OPCML: variants seen among roughly 807,000 people sequenced by gnomAD.
The protein encoded by OPCML is opioid-binding protein/cell adhesion molecule.
Under a neutral mutation model 37.8 loss-of-function variants are expected in OPCML, and 13 were observed. The observed-to-expected ratio is 0.34, with a 90% CI of 0.22 to 0.55. The LOEUF is 0.55. Among genes scored for constraint, OPCML ranks in the 20% least tolerant of loss-of-function variants. The pLI, the probability that OPCML is intolerant of heterozygous loss-of-function variation, is 0.91. For synonymous variants in OPCML, 176 were observed against 168.8 expected (o/e 1.04, Z -0.33); for missense variants, 341 against 435.6 (o/e 0.78, Z 1.93).
chr11:132,579,672 G>T (rs73041722), intron 3 of OPCML, among the ~76,000 whole-genome samples: 3,645 of 152,126 alleles, frequency 0.024, 111 homozygotes, highest in East Asian at 0.055. Context: ...AAGAGCTTTT[G>T]CTCAGTACAG....
chr11:132,974,982 T>A (rs959791451), intron 1 of OPCML, among the ~76,000 whole-genome samples: 14 of 151,818 alleles, frequency 9.2e-5, no homozygotes, highest in African/African-American at 3.4e-4. Context: ...AGCTAATAAT[T>A]CACTAATCAG....
intron 1 of OPCML, among the ~76,000 whole-genome samples, chr11:132,995,862 AG>A (rs1946875243): frequency 6.6e-6 from 1 of 152,236 alleles, no homozygotes; most frequent in Non-Finnish European, 1.5e-5. Flanking sequence ...CAAGGGTGAA[AG>A]AAGCAGCTAA....
chr11:133,388,555 G>C (rs1470097876), intron 1 of OPCML, among the ~76,000 whole-genome samples: 1 of 152,182 alleles, frequency 6.6e-6, no homozygotes, highest in African/African-American at 2.4e-5. Flanking sequence ...TAACACTTCA[G>C]CTTAATCTCA....
chr11:133,119,835 G>A lies in OPCML; in HGVS notation c.62-176825C>T, dbSNP rs182332058. ...CATGTTCACGTCGCACAGGATGCACGTGGGAGTGAAGTGGGCGGTGGAGCA... is the reference window on the plus strand; with the variant it reads ...CATGTTCACGTCGCACAGGATGCACATGGGAGTGAAGTGGGCGGTGGAGCA... On this transcript the variant is annotated intron_variant, in intron 1 of 7. Transcript: ENST00000524381. 1.2e-4 allele frequency among the ~76,000 whole-genome samples: 19 copies of A among 152,314 alleles called. No homozygotes were observed. In the East Asian group the frequency reaches 2.5e-3, roughly 20 times the overall value.
intron 1 of OPCML, chr11:133,421,386 C>T (rs1342104536): frequency 1.0e-6 from 1 of 985,200 alleles, no homozygotes. Context: ...CACTCGGAGA[C>T]CAGAAGAAGA....
chr11:133,116,777 AT>A (rs1442746559), intron 1 of OPCML, among the ~76,000 whole-genome samples: 5 of 141,488 alleles, frequency 3.5e-5, no homozygotes, highest in Non-Finnish European at 7.7e-5. Flanking sequence ...CTTATAAGTA[AT>A]TTGTGGGAAG....
chr11:132,455,219 C>A (rs761780308), intron 4 of OPCML, among the ~76,000 whole-genome samples: 3 of 152,210 alleles, frequency 2.0e-5, no homozygotes, highest in Non-Finnish European at 4.4e-5. Context: ...CCTTCCTTTA[C>A]TTTGCAAATG....
intron 3 of OPCML, among the ~76,000 whole-genome samples, chr11:132,630,590 T>C (rs1401398935): frequency 6.6e-6 from 1 of 152,126 alleles, no homozygotes; most frequent in African/African-American, 2.4e-5. Context: ...TACCACTACA[T>C]ACTAGAATAA....
chr11:132,656,070 A>G (rs1269050511), intron 3 of OPCML, among the ~76,000 whole-genome samples: 1 of 152,088 alleles, frequency 6.6e-6, no homozygotes, highest in Non-Finnish European at 1.5e-5. Flanking sequence ...TCTGCAAACG[A>G]GGCTCTGAAA....
At chr11:132,501,246 C>T (rs1335635485) in intron 4 of OPCML, among the ~76,000 whole-genome samples, 2 of 152,196 alleles carry the variant, frequency 1.3e-5, no homozygotes, top group East Asian at 3.9e-4. Context: ...GGATCAAAGA[C>T]TTAAATGTAA....
chr11:132,791,115 G>A (rs191939288), intron 2 of OPCML, among the ~76,000 whole-genome samples: 168 of 152,292 alleles, frequency 1.1e-3, no homozygotes, highest in South Asian at 2.7e-3. Flanking sequence ...ATGGGAGCCT[G>A]TGTGGTCTAC....
At position 132,460,159 on chromosome 11, in the gene OPCML, G is replaced by C. The variant is rs532493249; in HGVS notation, c.506-22800C>G. 1.2e-4 allele frequency among the ~76,000 whole-genome samples: 19 copies of C among 152,026 alleles called. No homozygotes were observed. The South Asian group carries it at 3.7e-3, about 30-fold the overall frequency. On this transcript the variant is annotated intron_variant, in intron 4 of 7. Transcript: ENST00000524381. ...CTGAAAACTCATGCGTTCCAGGGTT[G>C]AGATGTAATCAAATTAATTTATGCT...
chr11:133,233,145 G>A (rs1313908171), intron 1 of OPCML, among the ~76,000 whole-genome samples: 1 of 152,198 alleles, frequency 6.6e-6, no homozygotes, highest in African/African-American at 2.4e-5. Context: ...CAACCTTTGT[G>A]AAAATATATC....
At chr11:133,387,054 C>A (rs1306122953) in intron 1 of OPCML, among the ~76,000 whole-genome samples, 4 of 152,218 alleles carry the variant, frequency 2.6e-5, no homozygotes, top group African/African-American at 9.6e-5. Context: ...TATTTTGGCC[C>A]TCAGCCTGGG....
chr11:133,422,418 C>T (rs1285191221), intron 1 of OPCML: 1 of 939,550 alleles, frequency 1.1e-6, no homozygotes, highest in Non-Finnish European at 1.2e-6. Context: ...AGTTCAAACC[C>T]TTGCCCCACC....
intron 1 of OPCML, among the ~76,000 whole-genome samples, chr11:133,163,611 T>C (rs1394763983): frequency 1.3e-5 from 2 of 152,236 alleles, no homozygotes; most frequent in African/African-American, 4.8e-5. Context: ...CACAGCCTCT[T>C]CTCCGTCTTT....
intron 1 of OPCML, among the ~76,000 whole-genome samples, chr11:133,444,432 A>G (rs1946429209): frequency 6.6e-6 from 1 of 152,236 alleles, no homozygotes; most frequent in South Asian, 2.1e-4. Flanking sequence ...AGAAGAGTAA[A>G]GCTAGTTCAA....
intron 1 of OPCML, among the ~76,000 whole-genome samples, chr11:133,402,298 T>C (rs905089511): frequency 2.6e-5 from 4 of 152,102 alleles, no homozygotes; most frequent in African/African-American, 9.7e-5. Context: ...GATAACAATA[T>C]GAGTTCATTC....
chr11:132,440,998 T>C (rs898938661), intron 4 of OPCML, among the ~76,000 whole-genome samples: 9 of 151,474 alleles, frequency 5.9e-5, no homozygotes, highest in Non-Finnish European at 1.0e-4. Context: ...AATTGCTGAC[T>C]ATGAGTTAAA....
Sources: allele counts gnomAD v4.1 joint callset (sites outside exome capture counted in the v4.1 genomes callset), GRCh38; gene constraint gnomAD v4.1.1; transcripts MANE v1.5; gene names NCBI Gene and HGNC (gene_info 2026-07-23, HGNC 2026-07-21).